The following SGCE variants were observed in gnomAD, a reference collection of about 807,000 sequenced individuals.
SGCE encodes sarcoglycan epsilon.
SGCE carries 26 observed loss-of-function variants against 57.8 expected under a neutral mutation model. That is an observed-to-expected ratio of 0.45 (90% CI 0.33 to 0.62). SGCE has a LOEUF of 0.62. Ranked by LOEUF, SGCE falls within the 20% of genes least tolerant of loss-of-function variation. SGCE has a pLI of 0.02. For synonymous variants in SGCE, 183 were observed against 189.5 expected (o/e 0.97, Z 0.28); for missense variants, 468 against 548.6 (o/e 0.85, Z 1.47).
intron 1 of SGCE, among the ~76,000 whole-genome samples, chr7:94,633,378 G>A (rs1562874598): frequency 1.3e-5 from 2 of 152,074 alleles, no homozygotes; most frequent in African/African-American, 2.4e-5. Context: ...AATTTTTTAA[G>A]TAATAATTAC....
intron 2 of SGCE, chr7:94,629,292 A>G (rs1049422938): frequency 6.2e-6 from 1 of 160,018 alleles, no homozygotes; most frequent in Non-Finnish European, 1.4e-5. Context: ...GAGTTATATA[A>G]AATTATCTCC....
intron 1 of SGCE, among the ~76,000 whole-genome samples, chr7:94,645,222 T>A (rs1806896346): frequency 6.6e-6 from 1 of 152,196 alleles, no homozygotes; most frequent in Non-Finnish European, 1.5e-5. Flanking sequence ...GTTAGGTGAT[T>A]TTGTTGTGCA....
chr7:94,636,570 C>T (rs1805616517), intron 1 of SGCE, among the ~76,000 whole-genome samples: 1 of 152,012 alleles, frequency 6.6e-6, no homozygotes, highest in Non-Finnish European at 1.5e-5. Flanking sequence ...AGCTGATGGC[C>T]CTCAGCTTGC....
At chr7:94,596,135 G>A (rs1466220384) in intron 9 of SGCE, among the ~76,000 whole-genome samples, 1 of 152,092 alleles carries the variant, frequency 6.6e-6, no homozygotes, top group Non-Finnish European at 1.5e-5. Context: ...TATTGCATTT[G>A]CAAATAGAGA....
intron 4 of SGCE, chr7:94,621,991 A>G (rs576674616): frequency 6.6e-5 from 10 of 152,300 alleles, no homozygotes; most frequent in African/African-American, 2.2e-4. Context: ...GATACCGGTA[A>G]ACACCTGGGG....
chr7:94,593,946 A>G (rs1256045547), intron 9 of SGCE, among the ~76,000 whole-genome samples: 2 of 152,076 alleles, frequency 1.3e-5, no homozygotes, highest in African/African-American at 2.4e-5. Context: ...GAGCTCTACC[A>G]TAACATACAC....
intron 1 of SGCE, among the ~76,000 whole-genome samples, chr7:94,648,820 C>T (rs759422601): frequency 1.3e-5 from 2 of 152,206 alleles, no homozygotes. Context: ...AAAAGAGCAA[C>T]TATACTTCCA....
chr7:94,628,593 AT>A, intron 2 of SGCE: 2 of 497,416 alleles, frequency 4.0e-6, no homozygotes, highest in South Asian at 4.4e-5. Context: ...GATTCATACA[AT>A]TTTCTTGGAA....
At position 94,598,850 on chromosome 7, in the gene SGCE, A is replaced by G. The variant is rs200020922; in HGVS notation, c.1178T>C (p.Val393Ala). ...TAAAGGAGGTATGATTTCCCCAGTC[A>G]CAGGGTGGAACACAGGAAGCGTTGA... ...PLSTLPVFHP[V>A]TGEIIPPLHT... Residue 393 changes from valine to alanine, a missense_variant, in exon 9 of 11, where the codon GTG (valine) becomes GCG (alanine). Transcript: ENST00000648936. 6 of 1,613,074 alleles carry G rather than the reference A, an allele frequency of 3.7e-6. No individual in the cohort carries two copies. The Admixed American group carries it at 5.0e-5, about 13-fold the overall frequency.
At chr7:94,639,703 TA>T (rs1273640454) in intron 1 of SGCE, among the ~76,000 whole-genome samples, 1 of 152,182 alleles carries the variant, frequency 6.6e-6, no homozygotes, top group African/African-American at 2.4e-5. Flanking sequence ...CATATACATA[TA>T]CATACATACA....
intron 1 of SGCE, among the ~76,000 whole-genome samples, chr7:94,645,847 A>C (rs184661904): frequency 1.3e-5 from 2 of 152,346 alleles, no homozygotes; most frequent in Admixed American, 6.5e-5. Context: ...AATTTGAAGA[A>C]AATTTTGGAT....
intron 9 of SGCE, among the ~76,000 whole-genome samples, chr7:94,593,706 G>C (rs1159607275): frequency 1.3e-5 from 2 of 152,064 alleles, no homozygotes; most frequent in Admixed American, 6.6e-5. Context: ...AGGCTGAGAA[G>C]TATAAACTCC....
At chr7:94,587,809 TCTC>T (rs1797102561) in intron 10 of SGCE, 2 of 1,545,232 alleles carry the variant, frequency 1.3e-6, no homozygotes, top group Admixed American at 4.0e-5. Context: ...CAAACGAAAA[TCTC>T]CTTAAATTCA....
intron 5 of SGCE, among the ~76,000 whole-genome samples, chr7:94,603,845 C>T (rs998589992): frequency 6.6e-6 from 1 of 152,050 alleles, no homozygotes. Flanking sequence ...CCCACTACTA[C>T]AATAATAAAT....
chr7:94,590,609 A>G (rs544291977), intron 9 of SGCE: 2 of 152,328 alleles, frequency 1.3e-5, no homozygotes, highest in South Asian at 4.1e-4. Flanking sequence ...GTTTGATCCA[A>G]GCTGGGGATT....
At chr7:94,655,841 T>C (rs1584802412) in intron 1 of SGCE, 149 bp downstream of exon 1, 1 of 647,254 alleles carries the variant, frequency 1.5e-6, no homozygotes, top group African/African-American at 1.8e-5. Flanking sequence ...GGGTACAGGG[T>C]GTACTGAAGG....
intron 1 of SGCE, chr7:94,644,624 A>C (rs1393119422): frequency 1.6e-6 from 2 of 1,284,748 alleles, no homozygotes; most frequent in Non-Finnish European, 1.0e-6. Context: ...CAAACTGTCA[A>C]GTCTTTCTCT....
At chr7:94,611,943 G>C (rs1801110164) in intron 5 of SGCE, among the ~76,000 whole-genome samples, 1 of 152,170 alleles carries the variant, frequency 6.6e-6, no homozygotes, top group African/African-American at 2.4e-5. Context: ...AACAAAAGTA[G>C]AGATGAGAAA....
At chr7:94,640,735 C>T (rs886628951) in intron 1 of SGCE, among the ~76,000 whole-genome samples, 9 of 152,080 alleles carry the variant, frequency 5.9e-5, no homozygotes, top group African/African-American at 2.2e-4. Context: ...GCAACCTCCG[C>T]CTCCTGGGTT....
Sources: allele counts gnomAD v4.1 joint callset (sites outside exome capture counted in the v4.1 genomes callset), GRCh38; gene constraint gnomAD v4.1.1; transcripts MANE v1.5; gene names NCBI Gene and HGNC (gene_info 2026-07-23, HGNC 2026-07-21).